Variants in ST3GAL3 observed in about 807,000 individuals in gnomAD.
ST3GAL3 encodes the protein ST3 beta-galactoside alpha-2,3-sialyltransferase 3, also known as CMP-N-acetylneuraminate-beta-1,4-galactoside alpha-2,3-sialyltransferase.
Under a neutral mutation model 50.1 loss-of-function variants are expected in ST3GAL3, and 21 were observed. The observed-to-expected ratio is 0.42, with a 90% CI of 0.30 to 0.60. The LOEUF (loss-of-function observed/expected upper bound fraction) is 0.60. Among genes scored for constraint, ST3GAL3 ranks in the 20% least tolerant of loss-of-function variants. The probability of loss-of-function intolerance (pLI) is 0.19; values close to 1 mark genes in which losing one functional copy is unlikely to be tolerated. For missense variants in ST3GAL3, 353 were observed against 489.4 expected, an observed-to-expected ratio of 0.72 and a Z score of 2.63; for synonymous variants, 183 against 190.0, an observed-to-expected ratio of 0.96 and a Z score of 0.30.
chr1:43,773,779 C>T (rs1696196228), intron 2 of ST3GAL3, among the ~76,000 whole-genome samples: 1 of 152,134 alleles, frequency 6.6e-6, no homozygotes, highest in Non-Finnish European at 1.5e-5. Context: ...ACTTACTAAT[C>T]ACAAGGGCAA....
intron 9 of ST3GAL3, among the ~76,000 whole-genome samples, chr1:43,900,224 C>A (rs1480872439): frequency 6.6e-6 from 1 of 152,202 alleles, no homozygotes; most frequent in Non-Finnish European, 1.5e-5. Flanking sequence ...GGACAGCAGA[C>A]CCCTCAACTT....
chr1:43,784,598 C>T (rs1042959515), intron 2 of ST3GAL3, among the ~76,000 whole-genome samples: 1 of 152,346 alleles, frequency 6.6e-6, no homozygotes, highest in Admixed American at 6.5e-5. Context: ...TCTATTATCT[C>T]TCTGATGGTT....
intron 2 of ST3GAL3, among the ~76,000 whole-genome samples, chr1:43,749,855 C>T (rs1685343617): frequency 6.6e-6 from 1 of 152,086 alleles, no homozygotes; most frequent in Non-Finnish European, 1.5e-5. Flanking sequence ...CTTTTTGCCC[C>T]TTCTGCCTTC....
At chr1:43,849,834 T>A (rs2066941379) in intron 5 of ST3GAL3, among the ~76,000 whole-genome samples, 1 of 152,230 alleles carries the variant, frequency 6.6e-6, no homozygotes, top group Non-Finnish European at 1.5e-5. Flanking sequence ...AGAGGCGAAT[T>A]CAGCTCCCCT....
At chr1:43,751,802 T>C (rs970347764) in intron 2 of ST3GAL3, among the ~76,000 whole-genome samples, 3 of 152,154 alleles carry the variant, frequency 2.0e-5, no homozygotes, top group African/African-American at 4.8e-5. Context: ...CCTTACGAGG[T>C]TGTAATTGGT....
At chr1:43,777,818 A>G (rs573819131) in intron 2 of ST3GAL3, among the ~76,000 whole-genome samples, 56 of 152,348 alleles carry the variant, frequency 3.7e-4, no homozygotes, top group Non-Finnish European at 6.8e-4. Flanking sequence ...GAGTGAATAG[A>G]TAAACTACAG....
chr1:43,894,231 G>A, intron 5 of ST3GAL3, 152 bp from the exon 6 acceptor site: 2 of 761,470 alleles, frequency 2.6e-6, no homozygotes, highest in East Asian at 5.0e-5. Context: ...CCCCTCGACA[G>A]CTACCCAGTG....
intron 11 of ST3GAL3, among the ~76,000 whole-genome samples, chr1:43,927,547 G>A (rs919952391): frequency 8.5e-5 from 13 of 152,166 alleles, no homozygotes; most frequent in Admixed American, 2.0e-4. Context: ...TGATGAGGAC[G>A]AGGGATAAGT....
chr1:43,925,995 C>G (rs1463935134), intron 11 of ST3GAL3, among the ~76,000 whole-genome samples: 1 of 152,124 alleles, frequency 6.6e-6, no homozygotes, highest in Non-Finnish European at 1.5e-5. Flanking sequence ...TAGACGGCAC[C>G]TACATCTGTG....
At chr1:43,725,706 G>A (rs1335751141) in intron 1 of ST3GAL3, among the ~76,000 whole-genome samples, 1 of 151,944 alleles carries the variant, frequency 6.6e-6, no homozygotes, top group African/African-American at 2.4e-5. Context: ...GAGTGTACTG[G>A]CATGGTCTCA....
intron 2 of ST3GAL3, among the ~76,000 whole-genome samples, chr1:43,789,662 G>A (rs779854925): frequency 2.6e-5 from 4 of 152,090 alleles, no homozygotes; most frequent in Non-Finnish European, 5.9e-5. Flanking sequence ...CTTGAGGCCA[G>A]GAATTTGAAA....
intron 3 of ST3GAL3, among the ~76,000 whole-genome samples, chr1:43,812,665 A>T (rs1280151941): frequency 6.6e-6 from 1 of 152,160 alleles, no homozygotes; most frequent in Admixed American, 6.5e-5. Flanking sequence ...AGGGCTCATT[A>T]TGCTACCGAG....
At chr1:43,791,583 C>G (rs577746431) in intron 2 of ST3GAL3, among the ~76,000 whole-genome samples, 1 of 152,274 alleles carries the variant, frequency 6.6e-6, no homozygotes, top group South Asian at 2.1e-4. Flanking sequence ...AACATTTCCC[C>G]AACTATATAG....
chr1:43,850,752 G>A (rs2067137221), intron 5 of ST3GAL3: 1 of 781,150 alleles, frequency 1.3e-6, no homozygotes, highest in Non-Finnish European at 2.3e-6. Context: ...TCTGCAGTTG[G>A]CCACCACATG....
At chr1:43,775,137 C>A (rs78757443) in intron 2 of ST3GAL3, among the ~76,000 whole-genome samples, 76 of 152,156 alleles carry the variant, frequency 5.0e-4, no homozygotes, top group African/African-American at 1.8e-3. Context: ...CCTTGTATAT[C>A]AATTTATAAA....
At chr1:43,841,945 T>C (rs1273716735) in intron 5 of ST3GAL3, 2 of 152,260 alleles carry the variant, frequency 1.3e-5, no homozygotes, top group Non-Finnish European at 2.9e-5. Flanking sequence ...AGTCATATCT[T>C]GAATGCTTTG....
At chr1:43,772,819 T>C (rs1695793002) in intron 2 of ST3GAL3, 1 of 152,758 alleles carries the variant, frequency 6.5e-6, no homozygotes, top group African/African-American at 2.4e-5. Flanking sequence ...TGATCTCGGC[T>C]CACTGCAACC....
chr1:43,852,893 C>T lies in ST3GAL3; in HGVS notation c.302+14582C>T, dbSNP rs2067609017. Among the ~76,000 whole-genome samples, 3 of 151,914 alleles carry T rather than the reference C, an allele frequency of 2.0e-5. No individual in the cohort carries two copies. In the South Asian group the frequency reaches 6.2e-4, roughly 31 times the overall value. ...TTTCAACAACATTTAATGTTAGACA[C>T]TTAATTAAGTGAATTCTGTTTTCTC... On this transcript the variant is annotated intron_variant, in intron 5 of 11. Transcript: ENST00000347631.
chr1:43,738,334 G>C (rs980938063), intron 2 of ST3GAL3: 4 of 152,150 alleles, frequency 2.6e-5, no homozygotes, highest in African/African-American at 9.7e-5. Flanking sequence ...AGTATTTATA[G>C]CTTTTCTATT....
Sources: allele counts gnomAD v4.1 joint callset (sites outside exome capture counted in the v4.1 genomes callset), GRCh38; gene constraint gnomAD v4.1.1; transcripts MANE v1.5; gene names NCBI Gene and HGNC (gene_info 2026-07-23, HGNC 2026-07-21).